The following ROBO2 variants were observed in gnomAD, a reference collection of about 807,000 sequenced individuals.
ROBO2 encodes the protein roundabout homolog 2.
Under a neutral mutation model 160.8 loss-of-function variants are expected in ROBO2, and 53 were observed. That is an observed-to-expected ratio of 0.33 (90% CI 0.26 to 0.41). ROBO2 has a LOEUF of 0.41. ROBO2 is among the 10% of genes least tolerant of loss of function. The pLI is 1.00. For missense variants in ROBO2, 1,577 were observed against 1,722.4 expected, an observed-to-expected ratio of 0.92 and a Z score of 1.49; for synonymous variants, 664 against 611.7, an observed-to-expected ratio of 1.09 and a Z score of -1.26.
chr3:76,000,691 C>T (rs940472031), intron 2 of ROBO2, among the ~76,000 whole-genome samples: 8 of 151,954 alleles, frequency 5.3e-5, no homozygotes, highest in African/African-American at 7.2e-5. Flanking sequence ...GGGGTTTCAC[C>T]GTGTTAGCCA....
intron 2 of ROBO2, among the ~76,000 whole-genome samples, chr3:76,701,871 C>A (rs541199204): frequency 6.7e-6 from 1 of 149,560 alleles, no homozygotes; most frequent in Admixed American, 6.7e-5. Context: ...AAACAAAGGT[C>A]ACTTTTATGT....
chr3:77,454,993 G>A (rs187336098), intron 2 of ROBO2, among the ~76,000 whole-genome samples: 1 of 152,060 alleles, frequency 6.6e-6, no homozygotes, highest in Non-Finnish European at 1.5e-5. Context: ...CTAGGAGATG[G>A]CGAGAAAAAA....
intron 2 of ROBO2, among the ~76,000 whole-genome samples, chr3:76,341,419 T>TAAAA (rs71277587): frequency 4.5e-5 from 2 of 44,244 alleles, no homozygotes; most frequent in African/African-American, 8.6e-5. Flanking sequence ...TTTTAAAGCG[T>TAAAA]AAAAAAAAAA....
intron 7 of ROBO2, 78 bp from the exon 9 acceptor site, chr3:77,550,740 T>C (rs2092888525): frequency 6.9e-7 from 1 of 1,444,838 alleles, no homozygotes; most frequent in African/African-American, 1.4e-5. Context: ...ACTGTATTCC[T>C]TAATTGTAGT....
At chr3:76,123,649 AT>A (rs1293535588) in intron 2 of ROBO2, among the ~76,000 whole-genome samples, 13 of 152,018 alleles carry the variant, frequency 8.6e-5, no homozygotes, top group Non-Finnish European at 1.8e-4. Context: ...AGTATATTTT[AT>A]TTTTGTTCCC....
At chr3:76,451,238 A>G (rs539510745) in intron 2 of ROBO2, among the ~76,000 whole-genome samples, 1 of 152,178 alleles carries the variant, frequency 6.6e-6, no homozygotes, top group Admixed American at 6.6e-5. Context: ...CCTTGTCCCC[A>G]TAAGTGATAA....
At chr3:77,454,164 T>C (rs575960229) in intron 2 of ROBO2, among the ~76,000 whole-genome samples, 41 of 152,142 alleles carry the variant, frequency 2.7e-4, no homozygotes, top group Admixed American at 2.5e-3. Flanking sequence ...TACAAATATT[T>C]GCTAGCTTAT....
At chr3:76,178,855 C>G (rs146263711) in intron 2 of ROBO2, among the ~76,000 whole-genome samples, 117 of 152,122 alleles carry the variant, frequency 7.7e-4, no homozygotes, top group African/African-American at 2.6e-3. Context: ...GCAGGAGAAT[C>G]GCTTGAACCT....
intron 2 of ROBO2, among the ~76,000 whole-genome samples, chr3:76,383,856 G>T (rs535137568): frequency 6.6e-6 from 1 of 152,272 alleles, no homozygotes; most frequent in South Asian, 2.1e-4. Context: ...TCTATGTAAG[G>T]TTACATGAGA....
At chr3:75,941,860 A>G (rs1032101012) in intron 2 of ROBO2, among the ~76,000 whole-genome samples, 1 of 152,166 alleles carries the variant, frequency 6.6e-6, no homozygotes, top group Non-Finnish European at 1.5e-5. Context: ...AAGTAATTAT[A>G]TGAAGACAAT....
intron 2 of ROBO2, among the ~76,000 whole-genome samples, chr3:75,955,722 T>C (rs1460889121): frequency 6.6e-6 from 1 of 151,744 alleles, no homozygotes; most frequent in Non-Finnish European, 1.5e-5. Context: ...TTTGGGTTTA[T>C]GAGGCTTCCA....
intron 2 of ROBO2, among the ~76,000 whole-genome samples, chr3:76,438,675 A>C (rs745687205): frequency 7.2e-5 from 11 of 152,114 alleles, no homozygotes; most frequent in Non-Finnish European, 1.6e-4. Flanking sequence ...TTATACTTGT[A>C]ATTACATTTT....
intron 2 of ROBO2, among the ~76,000 whole-genome samples, chr3:76,240,669 T>C (rs1243800725): frequency 8.5e-5 from 13 of 152,164 alleles, no homozygotes; most frequent in Non-Finnish European, 1.9e-4. Context: ...AAATTTCCTG[T>C]GGGTGAGGTG....
At chr3:76,569,851 G>A (rs922285564) in intron 2 of ROBO2, among the ~76,000 whole-genome samples, 1 of 152,202 alleles carries the variant, frequency 6.6e-6, no homozygotes, top group Non-Finnish European at 1.5e-5. Context: ...GCAGCCAGGT[G>A]CAGTGGCTCA....
intron 2 of ROBO2, among the ~76,000 whole-genome samples, chr3:75,964,692 T>C (rs1949042407): frequency 2.0e-5 from 3 of 151,736 alleles, no homozygotes; most frequent in Admixed American, 1.3e-4. Flanking sequence ...CATGATTTAA[T>C]AGATTTGATA....
chr3:76,778,285 T>C (rs2062409752), intron 2 of ROBO2, among the ~76,000 whole-genome samples: 1 of 151,160 alleles, frequency 6.6e-6, no homozygotes, highest in Non-Finnish European at 1.5e-5. Context: ...ATTCTTCCTT[T>C]TGAACACTTA....
intron 2 of ROBO2, among the ~76,000 whole-genome samples, chr3:76,001,706 G>A (rs2065893963): frequency 6.7e-6 from 1 of 149,724 alleles, no homozygotes; most frequent in Admixed American, 6.6e-5. Context: ...CCCACACCAG[G>A]CTAATTGTTT....
At chr3:76,718,153 T>C (rs972418410) in intron 2 of ROBO2, among the ~76,000 whole-genome samples, 2 of 152,226 alleles carry the variant, frequency 1.3e-5, no homozygotes, top group Non-Finnish European at 2.9e-5. Flanking sequence ...ATAACAACTC[T>C]ATATGGAAAC....
chr3:76,127,814 A>T (rs1224278723), intron 2 of ROBO2, among the ~76,000 whole-genome samples: 1 of 151,948 alleles, frequency 6.6e-6, no homozygotes, highest in Non-Finnish European at 1.5e-5. Context: ...AATATCTATG[A>T]AGCAAAATGC....
Sources: allele counts gnomAD v4.1 joint callset (sites outside exome capture counted in the v4.1 genomes callset), GRCh38; gene constraint gnomAD v4.1.1; transcripts MANE v1.5; gene names NCBI Gene and HGNC (gene_info 2026-07-23, HGNC 2026-07-21).